The following BACH2 variants were observed in gnomAD, a reference collection of about 807,000 sequenced individuals.
BACH2 encodes BACH transcriptional regulator 2.
BACH2 carries 5 observed loss-of-function variants against 61.8 expected under a neutral mutation model. The observed-to-expected ratio is 0.08, with a 90% CI of 0.04 to 0.17. The LOEUF is 0.17. Among genes scored for constraint, BACH2 ranks in the 10% least tolerant of loss-of-function variants. The pLI is 1.00. For missense variants in BACH2, 824 were observed against 1,091.1 expected, an observed-to-expected ratio of 0.76 and a Z score of 3.45; for synonymous variants, 446 against 440.1, an observed-to-expected ratio of 1.01 and a Z score of -0.17.
At chr6:90,018,773 G>C (rs183869486) in intron 5 of BACH2, among the ~76,000 whole-genome samples, 49 of 152,256 alleles carry the variant, frequency 3.2e-4, no homozygotes, top group African/African-American at 1.2e-3. Context: ...TATTTGTGAG[G>C]TTTGTTATCT....
intron 6 of BACH2, among the ~76,000 whole-genome samples, chr6:89,952,681 C>G (rs6939786): frequency 3.3e-5 from 5 of 152,096 alleles, no homozygotes; most frequent in African/African-American, 4.8e-5. Flanking sequence ...TCTTTTTTTC[C>G]TGGTAAATCT....
chr6:90,268,161 A>C (rs1771405358), intron 2 of BACH2, among the ~76,000 whole-genome samples: 1 of 152,190 alleles, frequency 6.6e-6, no homozygotes, highest in African/African-American at 2.4e-5. Flanking sequence ...GGTGCACACC[A>C]CCATGCCCAG....
intron 3 of BACH2, among the ~76,000 whole-genome samples, chr6:90,243,178 G>A (rs927447191): frequency 6.6e-6 from 1 of 151,294 alleles, no homozygotes; most frequent in Non-Finnish European, 1.5e-5. Flanking sequence ...ACAGGCGTGA[G>A]CCAATGTGCC....
intron 3 of BACH2, among the ~76,000 whole-genome samples, chr6:90,226,923 A>G (rs1769933544): frequency 6.6e-6 from 1 of 152,212 alleles, no homozygotes; most frequent in Admixed American, 6.5e-5. Context: ...TTGCACTCTC[A>G]AAAAGTATGC....
At chr6:89,957,481 C>T (rs1253104171) in intron 6 of BACH2, among the ~76,000 whole-genome samples, 1 of 152,100 alleles carries the variant, frequency 6.6e-6, no homozygotes, top group Non-Finnish European at 1.5e-5. Context: ...CCTCCTGCCT[C>T]AGCCTCCCAA....
chr6:90,123,498 C>T (rs1378877672), intron 4 of BACH2, among the ~76,000 whole-genome samples: 4 of 150,296 alleles, frequency 2.7e-5, no homozygotes, highest in South Asian at 2.1e-4. Context: ...GGGCCGGGCG[C>T]GGTGGCTCAC....
chr6:90,036,539 CACTT>C (rs1490335343), intron 5 of BACH2, among the ~76,000 whole-genome samples: 1 of 152,154 alleles, frequency 6.6e-6, no homozygotes, highest in African/African-American at 2.4e-5. Context: ...ACATACCCAT[CACTT>C]AGATTCCACG....
chr6:90,131,596 C>T (rs1171654317), intron 4 of BACH2, among the ~76,000 whole-genome samples: 1 of 152,134 alleles, frequency 6.6e-6, no homozygotes, highest in Non-Finnish European at 1.5e-5. Flanking sequence ...TTTATTATGG[C>T]GAATCTCAAT....
intron 5 of BACH2, among the ~76,000 whole-genome samples, chr6:90,041,125 C>T (rs757804669): frequency 6.6e-6 from 1 of 152,250 alleles, no homozygotes; most frequent in African/African-American, 2.4e-5. Context: ...TAACAATGGG[C>T]GCCCTTGTCT....
intron 6 of BACH2, among the ~76,000 whole-genome samples, chr6:90,000,245 GACC>G (rs1223543032): frequency 1.3e-5 from 2 of 152,098 alleles, no homozygotes; most frequent in Admixed American, 1.3e-4. Flanking sequence ...CGAGACTGAG[GACC>G]ACATTTCAGG....
chr6:89,938,479 T>C (rs1584502173), intron 7 of BACH2, 129 bp from the exon 8 acceptor site: 1 of 714,572 alleles, frequency 1.4e-6, no homozygotes, highest in Admixed American at 2.8e-5. Flanking sequence ...AAGCAAGCAG[T>C]GATTACTTAT....
intron 2 of BACH2, among the ~76,000 whole-genome samples, chr6:90,263,915 G>GT (rs1254653081): frequency 1.3e-5 from 2 of 152,118 alleles, no homozygotes; most frequent in African/African-American, 4.8e-5. Flanking sequence ...GGTCACTCAG[G>GT]TTTTAGATTG....
intron 5 of BACH2, among the ~76,000 whole-genome samples, chr6:90,014,440 GTATATATATATATATA>G (rs1201471150): frequency 6.2e-5 from 3 of 48,038 alleles, no homozygotes; most frequent in Non-Finnish European, 1.0e-4. Context: ...GTGTGTGTGT[GTATATATATATATATA>G]TATATATATA....
chr6:89,967,955 C>A (rs1775134067), intron 6 of BACH2, among the ~76,000 whole-genome samples: 1 of 152,206 alleles, frequency 6.6e-6, no homozygotes, highest in African/African-American at 2.4e-5. Context: ...CTGATTCTCT[C>A]CTGCCTGGCC....
chr6:90,081,819 A>C (rs1442345841), intron 5 of BACH2, among the ~76,000 whole-genome samples: 1 of 152,158 alleles, frequency 6.6e-6, no homozygotes, highest in African/African-American at 2.4e-5. Flanking sequence ...ATCTTCTAAC[A>C]ATTCCTTAAA....
intron 4 of BACH2, among the ~76,000 whole-genome samples, chr6:90,135,978 A>C (rs1469249078): frequency 6.6e-6 from 1 of 152,052 alleles, no homozygotes; most frequent in Non-Finnish European, 1.5e-5. Flanking sequence ...CCTACTTCTT[A>C]TCTTGGCTGC....
chr6:90,060,229 C>T (rs1001127886), intron 5 of BACH2, among the ~76,000 whole-genome samples: 18 of 151,772 alleles, frequency 1.2e-4, no homozygotes, highest in African/African-American at 4.1e-4. Context: ...TCTCTTTAAA[C>T]ATTGTCTCAT....
intron 5 of BACH2, among the ~76,000 whole-genome samples, chr6:90,078,958 C>T (rs1781597038): frequency 1.3e-5 from 2 of 152,152 alleles, no homozygotes; most frequent in African/African-American, 4.8e-5. Flanking sequence ...TTGACTCATC[C>T]ATTTTACAAA....
intron 6 of BACH2, among the ~76,000 whole-genome samples, chr6:89,953,909 C>T (rs944968990): frequency 6.6e-6 from 1 of 152,072 alleles, no homozygotes. Context: ...GAGGTCTGAC[C>T]GACACTTTTG....
Sources: allele counts gnomAD v4.1 joint callset (sites outside exome capture counted in the v4.1 genomes callset), GRCh38; gene constraint gnomAD v4.1.1; transcripts MANE v1.5; gene names NCBI Gene and HGNC (gene_info 2026-07-23, HGNC 2026-07-21).